AMBRA1: variants seen among roughly 807,000 people sequenced by gnomAD.
AMBRA1 encodes autophagy and beclin 1 regulator 1, also known as activating molecule in BECN1-regulated autophagy protein 1.
In AMBRA1, 47 loss-of-function variants were observed where a neutral mutation model predicts 125.4. That is an observed-to-expected ratio of 0.37 (90% CI 0.30 to 0.48). The LOEUF (loss-of-function observed/expected upper bound fraction) is 0.48. AMBRA1 is among the 20% of genes least tolerant of loss of function. The pLI, the probability that AMBRA1 is intolerant of heterozygous loss-of-function variation, is 0.99. For synonymous variants in AMBRA1, 626 were observed against 655.5 expected (o/e 0.95, Z 0.69); for missense variants, 1,331 against 1,693.4 (o/e 0.79, Z 3.76).
chr11:46,526,682 G>A (rs564201277), intron 7 of AMBRA1, among the ~76,000 whole-genome samples: 1 of 151,576 alleles, frequency 6.6e-6, no homozygotes, highest in African/African-American at 2.4e-5. Flanking sequence ...AAAACCCAAG[G>A]AAGATCAGCA....
intron 1 of AMBRA1, among the ~76,000 whole-genome samples, chr11:46,585,064 C>T (rs1470238716): frequency 1.3e-5 from 2 of 150,786 alleles, no homozygotes; most frequent in East Asian, 3.9e-4. Context: ...GCTCTCTGTG[C>T]TCTCTGAAAC....
chr11:46,579,326 G>A (rs1289619483), intron 1 of AMBRA1, among the ~76,000 whole-genome samples: 1 of 151,914 alleles, frequency 6.6e-6, no homozygotes, highest in Non-Finnish European at 1.5e-5. Context: ...GTGTGGTGGT[G>A]CATGCCTGTA....
chr11:46,435,524 T>C (rs1382382091), intron 12 of AMBRA1, among the ~76,000 whole-genome samples: 2 of 152,246 alleles, frequency 1.3e-5, no homozygotes, highest in Admixed American at 6.5e-5. Flanking sequence ...CATAAATTTG[T>C]ATCTTACTTT....
chr11:46,447,938 G>A (rs1948388165), intron 11 of AMBRA1, among the ~76,000 whole-genome samples: 1 of 152,096 alleles, frequency 6.6e-6, no homozygotes, highest in South Asian at 2.1e-4. Context: ...CAAATACTAA[G>A]TGTCTAATAA....
At chr11:46,418,122 T>G in intron 14 of AMBRA1, 70 bp from the exon 15 acceptor site, 1 of 1,427,422 alleles carries the variant, frequency 7.0e-7, no homozygotes, top group Middle Eastern at 1.9e-4. Context: ...AATAACAAAA[T>G]CCAGGGAGAA....
chr11:46,433,433 G>A (rs1947549630), intron 14 of AMBRA1, 41 bp downstream of exon 14: 2 of 1,603,246 alleles, frequency 1.2e-6, no homozygotes, highest in African/African-American at 1.3e-5. Context: ...CCAAGCCTAG[G>A]GGAGCTGCCA....
At chr11:46,512,435 G>GA (rs1951296105) in intron 8 of AMBRA1, among the ~76,000 whole-genome samples, 1 of 152,120 alleles carries the variant, frequency 6.6e-6, no homozygotes, top group Admixed American at 6.5e-5. Flanking sequence ...CTGGCCAACA[G>GA]AAAAAGAGTA....
At chr11:46,440,456 G>C (rs1350170122) in intron 12 of AMBRA1, among the ~76,000 whole-genome samples, 5 of 152,200 alleles carry the variant, frequency 3.3e-5, no homozygotes, top group Non-Finnish European at 5.9e-5. Flanking sequence ...GGTTACATGT[G>C]AGGAGGAGTG....
rs544907827 is a variant in AMBRA1 at position 46,397,173 on chromosome 11, C to T, written c.*277G>A. On this transcript the variant is annotated 3_prime_UTR_variant, in exon 18 of 18. Coordinates refer to ENST00000683756, the MANE Select transcript of AMBRA1 (RefSeq NM_001387011.1). ...CATGTTACTAGGAGAAAGTGGGGTGCCTGGCAGAGATACCCACTTGTTCCT... is the reference window on the plus strand; with the variant it reads ...CATGTTACTAGGAGAAAGTGGGGTGTCTGGCAGAGATACCCACTTGTTCCT... The T allele has an allele frequency of 6.0e-6, 2 of 331,136 alleles. No homozygotes were observed. The highest frequency in any genetic ancestry group is 4.8e-5 in the East Asian group (1 of 20,878). The allele number at this position is 331,136 out of a possible 1,614,324, so 20.5% of individuals were successfully genotyped here.
chr11:46,543,718 G>A (rs1252302968), intron 6 of AMBRA1, among the ~76,000 whole-genome samples: 1 of 152,206 alleles, frequency 6.6e-6, no homozygotes, highest in Non-Finnish European at 1.5e-5. Context: ...GCACATGAGT[G>A]ACAAGCTATC....
intron 15 of AMBRA1, among the ~76,000 whole-genome samples, chr11:46,417,584 A>G (rs981893174): frequency 6.6e-6 from 1 of 152,256 alleles, no homozygotes; most frequent in African/African-American, 2.4e-5. Flanking sequence ...AGGGTTTAAA[A>G]AAGAATCTTT....
intron 12 of AMBRA1, among the ~76,000 whole-genome samples, chr11:46,442,150 GT>G (rs200196528): frequency 6.8e-6 from 1 of 147,758 alleles, no homozygotes; most frequent in Non-Finnish European, 1.5e-5. Context: ...GTGTGTTTTT[GT>G]TTTTTTTTGG....
At chr11:46,474,957 G>A (rs531566067) in intron 11 of AMBRA1, among the ~76,000 whole-genome samples, 86 of 152,294 alleles carry the variant, frequency 5.6e-4, no homozygotes, top group African/African-American at 1.9e-3. Flanking sequence ...GACAAAGTCC[G>A]CATATATGTA....
intron 17 of AMBRA1, among the ~76,000 whole-genome samples, chr11:46,405,629 G>A (rs1458597083): frequency 6.6e-6 from 1 of 152,064 alleles, no homozygotes; most frequent in African/African-American, 2.4e-5. Flanking sequence ...AGTAGGCTGA[G>A]GCAGGAAGAT....
At chr11:46,581,443 TAAAAATACA>T (rs1174814049) in intron 1 of AMBRA1, among the ~76,000 whole-genome samples, 1 of 151,852 alleles carries the variant, frequency 6.6e-6, no homozygotes, top group Non-Finnish European at 1.5e-5. Flanking sequence ...CCGTCTCTAC[TAAAAATACA>T]AAAAATTAGC....
chr11:46,528,897 G>A (rs952801178), intron 7 of AMBRA1, among the ~76,000 whole-genome samples: 2 of 152,134 alleles, frequency 1.3e-5, no homozygotes, highest in Non-Finnish European at 2.9e-5. Flanking sequence ...GTAGAAGCTG[G>A]GCTACCTCTG....
chr11:46,572,129 C>T (rs553805401), intron 1 of AMBRA1, among the ~76,000 whole-genome samples: 6 of 152,168 alleles, frequency 3.9e-5, no homozygotes, highest in African/African-American at 1.2e-4. Context: ...GATGAAATGC[C>T]GTCTCTACCG....
Position 46,408,639 on chromosome 11 carries a change from G to C in AMBRA1, c.3277C>G (p.Arg1093Gly). 6.2e-7 allele frequency: 1 copy of C among 1,607,350 alleles called. No individual in the cohort carries two copies. The highest frequency in any genetic ancestry group is 1.1e-5 in the South Asian group (1 of 90,476). ...GLMNAIGLQP[R>G]NPATSVTSQG... is the part of the protein sequence containing the mutation. ...GATGTCACTGAGGTGGCAGGGTTCC[G>C]GGGCTGAAGCCCAATGGCATTCATC... The change falls in exon 17 of 18, where the codon CGG (arginine) becomes GGG (glycine). Residue 1093 changes from arginine (R) to glycine (G), a missense_variant. By Grantham distance (125) the Arg-to-Gly change is moderately radical. This residue lies in a region of AMBRA1 where 354 missense variants were observed against 532.7 expected (regional missense o/e 0.66). Coordinates refer to ENST00000683756, the MANE Select transcript of AMBRA1 (RefSeq NM_001387011.1).
intron 14 of AMBRA1, among the ~76,000 whole-genome samples, chr11:46,420,402 A>G (rs1029079034): frequency 6.6e-6 from 1 of 152,154 alleles, no homozygotes; most frequent in African/African-American, 2.4e-5. Context: ...ATTCTCACTC[A>G]GCCTCACTGT....
Sources: allele counts gnomAD v4.1 joint callset (sites outside exome capture counted in the v4.1 genomes callset), GRCh38; gene constraint gnomAD v4.1.1; regional missense constraint gnomAD v4.1.1; transcripts MANE v1.5; gene names NCBI Gene and HGNC (gene_info 2026-07-23, HGNC 2026-07-21).